Variants in TJP1 observed in about 807,000 individuals in gnomAD.
TJP1 encodes the protein tight junction protein 1.
A neutral mutation model predicts 194.2 loss-of-function variants in TJP1; 43 were observed. The observed-to-expected ratio is 0.22, with a 90% CI of 0.17 to 0.29. The LOEUF is 0.29. TJP1 is among the 10% of genes least tolerant of loss of function. The pLI is 1.00. For missense variants in TJP1, 1,971 were observed against 2,185.7 expected (o/e 0.90, Z 1.96); for synonymous variants, 801 against 779.0 (o/e 1.03, Z -0.47).
intron 10 of TJP1, 62 bp downstream of exon 10, chr15:29,741,269 T>C: frequency 8.0e-7 from 1 of 1,243,526 alleles, no homozygotes; most frequent in Non-Finnish European, 1.1e-6. Flanking sequence ...ACAATTAAAT[T>C]CCTACTCTGA....
chr15:29,738,907 G>A (rs1018365869), intron 10 of TJP1, among the ~76,000 whole-genome samples: 6 of 141,064 alleles, frequency 4.3e-5, no homozygotes, highest in Non-Finnish European at 7.6e-5. Context: ...GCTGGGTTTC[G>A]TGGCTCGTTG....
intron 2 of TJP1, among the ~76,000 whole-genome samples, chr15:29,898,958 G>T (rs545351148): frequency 8.8e-4 from 134 of 152,266 alleles, no homozygotes; most frequent in African/African-American, 3.1e-3. Context: ...GGTTCATTTT[G>T]ATTCCGTTTC....
chr15:29,795,534 A>G (rs2032368773), intron 2 of TJP1, among the ~76,000 whole-genome samples: 1 of 152,104 alleles, frequency 6.6e-6, no homozygotes, highest in South Asian at 2.1e-4. Flanking sequence ...TTGTAATGAA[A>G]ACCCTTCCCA....
Position 29,942,511 on chromosome 15 carries a change from C to A in TJP1, c.306+13721G>T, listed in dbSNP as rs1287082275. On this transcript the variant is annotated intron_variant, in intron 2 of 28. Coordinates refer to the TJP1 transcript ENST00000356107. ...GAAAGTATCCATTAAGGGCAAAAAT[C>A]TCCTACCAATTAGTTGTCAATTGGC... is the stretch of plus-strand genomic sequence containing the variant. Among the ~76,000 whole-genome samples, 3 of 152,354 alleles carry A rather than the reference C, an allele frequency of 2.0e-5. No homozygotes were observed. The East Asian group carries it at 5.8e-4, about 29-fold the overall frequency.
intron 2 of TJP1, among the ~76,000 whole-genome samples, chr15:29,861,862 AT>A (rs895291458): frequency 2.6e-5 from 4 of 151,762 alleles, no homozygotes; most frequent in African/African-American, 7.3e-5. Flanking sequence ...CATTGTACCT[AT>A]TTTTTTTCTT....
chr15:29,937,644 C>A (rs1410345379), intron 2 of TJP1, among the ~76,000 whole-genome samples: 5 of 152,086 alleles, frequency 3.3e-5, no homozygotes, highest in Admixed American at 6.6e-5. Context: ...CAACACGGAC[C>A]CACTCAAAGA....
intron 23 of TJP1, among the ~76,000 whole-genome samples, chr15:29,712,064 TCACAC>T (rs2042278140): frequency 6.6e-6 from 1 of 152,214 alleles, no homozygotes; most frequent in African/African-American, 2.4e-5. Context: ...AACACAAAAT[TCACAC>T]AAATCTTTTT....
In TJP1 at chr15:29,710,963, A is replaced by C. The variant is rs1456145023; in HGVS notation, c.4240T>G (p.Phe1414Val). The C allele has an allele frequency of 6.2e-7, 1 of 1,613,972 alleles. No individual in the cohort carries two copies. The highest frequency in any genetic ancestry group is 8.5e-7 in the Non-Finnish European group (1 of 1,180,012). The change falls in exon 24 of 28, where the codon TTT (phenylalanine) becomes GTT (valine). Residue 1414 changes from phenylalanine (F) to valine (V), a missense_variant. Physicochemically the swap from Phe to Val is conservative, Grantham distance 50 (BLOSUM62 -1). This residue lies in a region of TJP1 where 1,108 missense variants were observed against 1,128.5 expected (regional missense o/e 0.98). Coordinates refer to ENST00000614355, the MANE Select transcript of TJP1 (RefSeq NM_001330239.4). ...PPEADGVDRSFGEKRYEPIQA... is the reference protein window; with the variant it reads ...PPEADGVDRSVGEKRYEPIQA... ...ATGGGTTCATAGCGTTTCTCGCCAA[A>C]TGATCTATCCACACCATCAGCTTCA...
intron 2 of TJP1, among the ~76,000 whole-genome samples, chr15:29,863,436 G>A (rs17750920): frequency 0.1 from 15,296 of 152,168 alleles, 921 homozygotes; most frequent in East Asian, 0.22. Flanking sequence ...AGCTCACAAC[G>A]AGTTCTCAGA....
chr15:29,944,951 G>A (rs775467960), intron 2 of TJP1, among the ~76,000 whole-genome samples: 18 of 152,248 alleles, frequency 1.2e-4, no homozygotes, highest in Non-Finnish European at 2.1e-4. Context: ...ACTGTATGAG[G>A]TTTGACTATG....
intron 2 of TJP1, among the ~76,000 whole-genome samples, chr15:29,924,605 G>A (rs2054469146): frequency 6.6e-6 from 1 of 152,086 alleles, no homozygotes; most frequent in Admixed American, 6.5e-5. Context: ...CATGGATGTG[G>A]GAGCACCTAC....
intron 2 of TJP1, among the ~76,000 whole-genome samples, chr15:29,949,253 A>T (rs1457980023): frequency 5.0e-5 from 5 of 99,316 alleles, no homozygotes; most frequent in African/African-American, 1.6e-4. Flanking sequence ...CTTCACCACC[A>T]CCTCCACCAC....
At chr15:29,880,871 C>G (rs1053791198) in intron 2 of TJP1, among the ~76,000 whole-genome samples, 2 of 152,196 alleles carry the variant, frequency 1.3e-5, no homozygotes, top group Non-Finnish European at 2.9e-5. Context: ...GTTTCTATAT[C>G]TTGGCTATTA....
At chr15:29,788,484 A>G (rs933465669) in intron 2 of TJP1, among the ~76,000 whole-genome samples, 11 of 152,166 alleles carry the variant, frequency 7.2e-5, no homozygotes, top group South Asian at 4.2e-4. Context: ...TAATTTTTGT[A>G]AATCTTGTGA....
At chr15:29,908,424 C>T (rs529085468) in intron 2 of TJP1, among the ~76,000 whole-genome samples, 1 of 152,280 alleles carries the variant, frequency 6.6e-6, no homozygotes, top group East Asian at 1.9e-4. Flanking sequence ...ACCTAGAATG[C>T]TATACTCAAC....
chr15:29,752,418 A>G (rs2045351195), intron 8 of TJP1, among the ~76,000 whole-genome samples: 1 of 151,956 alleles, frequency 6.6e-6, no homozygotes, highest in Non-Finnish European at 1.5e-5. Flanking sequence ...TTCACTTTTT[A>G]AACGGGATAT....
intron 8 of TJP1, among the ~76,000 whole-genome samples, chr15:29,758,249 C>T (rs903499888): frequency 4.6e-5 from 7 of 152,030 alleles, no homozygotes; most frequent in African/African-American, 1.4e-4. Context: ...TTTTGGTCCC[C>T]CCTAAACCCC....
intron 2 of TJP1, among the ~76,000 whole-genome samples, chr15:29,881,671 T>C (rs555145390): frequency 3.9e-5 from 6 of 152,334 alleles, no homozygotes; most frequent in African/African-American, 1.4e-4. Flanking sequence ...CAGATTCCAA[T>C]TTGAACCACA....
intron 8 of TJP1, among the ~76,000 whole-genome samples, chr15:29,746,912 G>GA (rs1267893240): frequency 0.036 from 5,088 of 139,746 alleles, 270 homozygotes; most frequent in African/African-American, 0.12. Context: ...AATCTTTTAG[G>GA]AAAAAAAAAA....
Sources: allele counts gnomAD v4.1 joint callset (sites outside exome capture counted in the v4.1 genomes callset), GRCh38; gene constraint gnomAD v4.1.1; regional missense constraint gnomAD v4.1.1; transcripts MANE v1.5; gene names NCBI Gene and HGNC (gene_info 2026-07-23, HGNC 2026-07-21).